Variants in EIF4G3 observed in about 807,000 individuals in gnomAD.
The protein encoded by EIF4G3 is eIF-4-gamma 3.
In EIF4G3, 34 loss-of-function variants were observed where a neutral mutation model predicts 186.4. The ratio of observed to expected loss-of-function variants is 0.18; its 90% CI spans 0.14 to 0.24. EIF4G3 has a LOEUF of 0.24. Ranked by LOEUF, EIF4G3 falls within the 10% of genes least tolerant of loss-of-function variation. EIF4G3 has a pLI of 1.00. For synonymous variants in EIF4G3, 673 were observed against 679.5 expected (o/e 0.99, Z 0.15); for missense variants, 1,536 against 1,948.5 (o/e 0.79, Z 3.99).
intron 23 of EIF4G3, among the ~76,000 whole-genome samples, chr1:20,860,819 C>T (rs2076163575): frequency 6.6e-6 from 1 of 152,106 alleles, no homozygotes; most frequent in Non-Finnish European, 1.5e-5. Flanking sequence ...GCATATATTT[C>T]TCTGTGGACT....
chr1:20,924,530 C>T (rs2094724100), intron 14 of EIF4G3, among the ~76,000 whole-genome samples: 1 of 152,176 alleles, frequency 6.6e-6, no homozygotes, highest in South Asian at 2.1e-4. Flanking sequence ...CTATGTTTCA[C>T]ATATATCAGA....
At chr1:21,165,901 C>T (rs192306907) in intron 2 of EIF4G3, among the ~76,000 whole-genome samples, 2 of 151,762 alleles carry the variant, frequency 1.3e-5, no homozygotes, top group African/African-American at 4.8e-5. Flanking sequence ...AGTCTAACTT[C>T]CTCTTATTTA....
intron 17 of EIF4G3, 99 bp from the exon 18 acceptor site, chr1:20,893,735 A>C: frequency 7.5e-7 from 1 of 1,334,798 alleles, no homozygotes; most frequent in Non-Finnish European, 1.0e-6. Context: ...ATCAGCTGAA[A>C]CGGTAAGCAC....
Position 20,807,283 on chromosome 1 carries a change from AT to A in EIF4G3, c.*35del. The A allele has an allele frequency of 1.3e-6, 2 of 1,542,396 alleles. No homozygotes were observed. The highest frequency in any genetic ancestry group is 1.8e-6 in the Non-Finnish European group (2 of 1,137,616). On this transcript the variant is annotated 3_prime_UTR_variant, in exon 37 of 37. Coordinates refer to ENST00000602326, the MANE Select transcript of EIF4G3 (RefSeq NM_001391906.1). The stretch of plus-strand genomic sequence containing the variant: ...TGAAACTTTTTAAAAAAATACTTAA[AT>A]TGTTTCTTTTGTTTCATTTTGTGTA...
chr1:20,843,701 T>C (rs528247433), intron 29 of EIF4G3, among the ~76,000 whole-genome samples: 3 of 152,278 alleles, frequency 2.0e-5, no homozygotes, highest in African/African-American at 4.8e-5. Flanking sequence ...CTTTGCTACA[T>C]AGGTAAATGT....
chr1:21,105,492 T>C (rs1421920864), intron 2 of EIF4G3, among the ~76,000 whole-genome samples: 1 of 151,050 alleles, frequency 6.6e-6, no homozygotes, highest in East Asian at 1.9e-4. Context: ...AATTTATCTA[T>C]ATAAACAAAC....
intron 15 of EIF4G3, 43 bp from the exon 16 acceptor site, chr1:20,899,986 G>T (rs1209229884): frequency 1.3e-6 from 2 of 1,562,920 alleles, no homozygotes; most frequent in South Asian, 2.4e-5. Flanking sequence ...TTTTCCACGG[G>T]TGTAAATATA....
intron 2 of EIF4G3, among the ~76,000 whole-genome samples, chr1:21,120,043 A>G (rs752117025): frequency 6.6e-6 from 1 of 151,816 alleles, no homozygotes; most frequent in East Asian, 1.9e-4. Context: ...GGTGAAAGTT[A>G]TAACACGGAA....
At chr1:21,168,822 C>T (rs911637132) in intron 2 of EIF4G3, among the ~76,000 whole-genome samples, 1 of 151,828 alleles carries the variant, frequency 6.6e-6, no homozygotes, top group Non-Finnish European at 1.5e-5. Flanking sequence ...AAATGTATGA[C>T]CACTAATATT....
rs139165492 is a variant in EIF4G3, at chr1:20,921,338, T to C, written c.1664-16367A>G. On this transcript the variant is annotated intron_variant, in intron 14 of 36. Transcript: ENST00000602326. ...TAAAGTAACGAAGGTAATTGTGCTATTGATGCAAGGTTAGGCAAAGAGAAA... is the reference window on the plus strand; with the variant it reads ...TAAAGTAACGAAGGTAATTGTGCTACTGATGCAAGGTTAGGCAAAGAGAAA... 4.1e-4 allele frequency among the ~76,000 whole-genome samples: 62 copies of C among 152,340 alleles called. 1 individual carries two copies. In the East Asian group the frequency reaches 8.9e-3, roughly 22 times the overall value.
intron 20 of EIF4G3, among the ~76,000 whole-genome samples, chr1:20,866,141 A>T (rs1236365060): frequency 6.6e-6 from 1 of 152,202 alleles, no homozygotes; most frequent in Non-Finnish European, 1.5e-5. Flanking sequence ...AAATGTATGT[A>T]TGGTCTTTGC....
intron 4 of EIF4G3, among the ~76,000 whole-genome samples, chr1:21,010,765 A>C (rs778498507): frequency 2.7e-4 from 41 of 152,224 alleles, no homozygotes; most frequent in Non-Finnish European, 5.1e-4. Context: ...CTGCAACTCT[A>C]CTTTCATAGA....
intron 19 of EIF4G3, among the ~76,000 whole-genome samples, chr1:20,880,673 C>G (rs1382715199): frequency 6.6e-6 from 1 of 152,128 alleles, no homozygotes; most frequent in Admixed American, 6.5e-5. Context: ...AACACTTGAA[C>G]CTGGGAGGCA....
chr1:20,943,050 C>T (rs1334010447), intron 13 of EIF4G3, among the ~76,000 whole-genome samples: 2 of 152,148 alleles, frequency 1.3e-5, no homozygotes, highest in Non-Finnish European at 2.9e-5. Context: ...GTAATCCCAA[C>T]TACTCAAAAG....
intron 32 of EIF4G3, 54 bp from the exon 33 acceptor site, chr1:20,825,252 A>AAT: frequency 2.5e-5 from 9 of 363,066 alleles, no homozygotes; most frequent in East Asian, 9.0e-5. Context: ...GAAGAAACAG[A>AAT]AAAAAAAAAA....
intron 3 of EIF4G3, among the ~76,000 whole-genome samples, chr1:21,052,820 T>TGATC (rs2094315582): frequency 6.6e-6 from 1 of 152,208 alleles, no homozygotes; most frequent in South Asian, 2.1e-4. Flanking sequence ...TAACCGCGAG[T>TGATC]GATCCGCCAG....
At position 20,899,875 on chromosome 1, in the gene EIF4G3, C is replaced by T. The variant is rs200950092; in HGVS notation, c.1821G>A (p.Gly607=). 7.4e-6 allele frequency: 12 copies of T among 1,613,922 alleles called. No individual in the cohort carries two copies. Among genetic ancestry groups the T allele is most frequent in the Admixed American group, 1.7e-5 (1 of 59,984 alleles). ...CAGAGGGGTCTCTTTCAGGATGAAA[C>T]CCCTGGCTCATTTTATCTTGTTCAG... ...LESEQDKMSQ[G]FHPERDPSDL... The change falls in exon 16 of 37, where the codon GGG becomes GGA. Residue 607 remains glycine, a synonymous_variant. Transcript: ENST00000602326.
At chr1:21,024,240 C>A (rs1202255805) in intron 4 of EIF4G3, among the ~76,000 whole-genome samples, 3 of 148,326 alleles carry the variant, frequency 2.0e-5, no homozygotes, top group Non-Finnish European at 4.5e-5. Context: ...CCCCGCCCGG[C>A]CAGCCGCCCC....
chr1:20,893,744 AC>A, intron 17 of EIF4G3, 108 bp from the exon 18 acceptor site: 1 of 1,302,064 alleles, frequency 7.7e-7, no homozygotes, highest in Non-Finnish European at 1.0e-6. Flanking sequence ...AACGGTAAGC[AC>A]CAGCTTTGGA....
Sources: allele counts gnomAD v4.1 joint callset (sites outside exome capture counted in the v4.1 genomes callset), GRCh38; gene constraint gnomAD v4.1.1; transcripts MANE v1.5; gene names NCBI Gene and HGNC (gene_info 2026-07-23, HGNC 2026-07-21).